The following BRWD1 variants were observed in gnomAD, a reference collection of about 807,000 sequenced individuals.
BRWD1 encodes the protein bromodomain and WD repeat domain containing 1.
A neutral mutation model predicts 251.2 loss-of-function variants in BRWD1; 82 were observed. The observed-to-expected ratio is 0.33, with a 90% CI of 0.27 to 0.39. The LOEUF (loss-of-function observed/expected upper bound fraction) is 0.39, where lower values mean the gene tolerates loss of function less well. BRWD1 is among the 10% of genes least tolerant of loss of function. The probability of loss-of-function intolerance (pLI) is 1.00; values close to 1 mark genes in which losing one functional copy is unlikely to be tolerated. For synonymous variants in BRWD1, 918 were observed against 902.8 expected, an observed-to-expected ratio of 1.02 and a Z score of -0.30; for missense variants, 2,233 against 2,711.6, an observed-to-expected ratio of 0.82 and a Z score of 3.92.
At chr21:39,312,392 C>T (rs1429567264) in intron 4 of BRWD1, among the ~76,000 whole-genome samples, 1 of 152,250 alleles carries the variant, frequency 6.6e-6, no homozygotes, top group African/African-American at 2.4e-5. Flanking sequence ...AACATTTCTC[C>T]ACCTTCAGAG....
At position 39,302,181 on chromosome 21, in the gene BRWD1, AC is replaced by A. The variant is rs374292561; in HGVS notation, c.199-3600del. Among the ~76,000 whole-genome samples, 912 of 151,544 alleles carry A rather than the reference AC, an allele frequency of 6.0e-3. 7 individuals carry two copies. Among genetic ancestry groups the A allele is most frequent in the African/African-American group, 0.021 (857 of 41,366 alleles). ...GTATTTTTAGTAGAGAAGGGGTTTC[AC>A]CATGTTGGCCAGGCTGGTCTCGAAC... On this transcript the variant is annotated intron_variant, in intron 4 of 40. Transcript: ENST00000342449.
In BRWD1 at chr21:39,188,837, A is replaced by G; in HGVS notation, c.*7422T>C. On this transcript the variant is annotated 3_prime_UTR_variant, in exon 41 of 41. Coordinates refer to ENST00000342449, the MANE Select transcript of BRWD1 (RefSeq NM_033656.4). ...ACTTATGTGATTCACATGTTTTTCC[A>G]GTGAAATTCTAAGGGCACTATGTTT... The G allele has an allele frequency of 3.0e-6, 3 of 985,446 alleles. No individual in the cohort carries two copies. The highest frequency in any genetic ancestry group is 3.6e-6 in the Non-Finnish European group (3 of 829,928). 61.0% of individuals were successfully genotyped at this position (985,446 alleles called of 1,614,324 possible).
intron 18 of BRWD1, among the ~76,000 whole-genome samples, chr21:39,257,373 T>C (rs1490497531): frequency 6.6e-6 from 1 of 152,182 alleles, no homozygotes; most frequent in Non-Finnish European, 1.5e-5. Flanking sequence ...CCTGTCTAAA[T>C]GCTTAACCTG....
At chr21:39,233,465 G>C (rs1313923738) in intron 23 of BRWD1, among the ~76,000 whole-genome samples, 1 of 151,480 alleles carries the variant, frequency 6.6e-6, no homozygotes, top group Non-Finnish European at 1.5e-5. Flanking sequence ...CAAATAAATA[G>C]GGATGTTATT....
At chr21:39,266,340 T>C (rs767998388) in intron 15 of BRWD1, among the ~76,000 whole-genome samples, 3 of 152,212 alleles carry the variant, frequency 2.0e-5, no homozygotes, top group Non-Finnish European at 4.4e-5. Flanking sequence ...CAACTGATCA[T>C]TAAAACATAA....
At chr21:39,247,289 T>G (rs1281945830) in intron 21 of BRWD1, among the ~76,000 whole-genome samples, 3 of 152,218 alleles carry the variant, frequency 2.0e-5, no homozygotes, top group Non-Finnish European at 4.4e-5. Flanking sequence ...ACAGGTTATA[T>G]ACCCCTTATC....
intron 19 of BRWD1, among the ~76,000 whole-genome samples, chr21:39,253,783 A>AATAGGTG (rs1480831638): frequency 1.6e-4 from 24 of 152,354 alleles, no homozygotes; most frequent in Middle Eastern, 3.4e-3. Flanking sequence ...TTAAGTTATT[A>AATAGGTG]TGACATACAA....
chr21:39,268,720 C>T (rs533927964), intron 15 of BRWD1, among the ~76,000 whole-genome samples: 1 of 152,262 alleles, frequency 6.6e-6, no homozygotes, highest in African/African-American at 2.4e-5. Flanking sequence ...GGCACAGTGG[C>T]TCACGCCTGT....
intron 21 of BRWD1, among the ~76,000 whole-genome samples, chr21:39,241,080 T>G (rs372500146): frequency 0.015 from 2,317 of 151,942 alleles, 59 homozygotes; most frequent in African/African-American, 0.053. Context: ...TTTTTTTTTT[T>G]TTGTATTTTT....
In BRWD1 at chr21:39,232,376, A is replaced by G; in HGVS notation, c.2889T>C (p.Asp963=). Residue 963 remains aspartate (D), a synonymous_variant, in exon 24 of 41, where the codon GAT becomes GAC. Coordinates refer to ENST00000342449, the MANE Select transcript of BRWD1 (RefSeq NM_033656.4). ...TTTAAATTTGTATTACTCTCACCTC[A>G]TCACCCATTTGAGGAACAAAAGGAG... is the stretch of plus-strand genomic sequence containing the variant. ...RKSPFVPQMG[D]EVIYFRQGHE... is the part of the protein sequence containing the mutation. 6.3e-7 allele frequency: 1 copy of G among 1,594,022 alleles called. No homozygotes were observed. Among genetic ancestry groups the G allele is most frequent in the South Asian group, 1.2e-5 (1 of 86,598 alleles).
intron 8 of BRWD1, among the ~76,000 whole-genome samples, chr21:39,288,005 AG>A (rs1195538479): frequency 6.6e-6 from 1 of 152,234 alleles, no homozygotes; most frequent in Admixed American, 6.5e-5. Context: ...CAGCTTAGCT[AG>A]ATAGGTCTGG....
chr21:39,209,936 T>C, intron 36 of BRWD1, 59 bp downstream of exon 36: 3 of 1,519,474 alleles, frequency 2.0e-6, no homozygotes, highest in East Asian at 2.3e-5. Context: ...TACTATTACA[T>C]TGGAAAATTA....
intron 17 of BRWD1, among the ~76,000 whole-genome samples, chr21:39,263,620 G>A (rs1366563471): frequency 1.3e-5 from 2 of 152,062 alleles, no homozygotes; most frequent in African/African-American, 4.8e-5. Flanking sequence ...CGCAATGAGG[G>A]AGCAATGATA....
At chr21:39,299,684 A>C (rs894181905) in intron 4 of BRWD1, among the ~76,000 whole-genome samples, 9 of 152,090 alleles carry the variant, frequency 5.9e-5, no homozygotes, top group African/African-American at 2.2e-4. Context: ...GGAACAGAAA[A>C]GGGACTCAGG....
At chr21:39,210,648 T>A (rs1413585838) in intron 35 of BRWD1, 138 bp downstream of exon 35, 1 of 948,110 alleles carries the variant, frequency 1.1e-6, no homozygotes, top group East Asian at 2.7e-5. Flanking sequence ...ACAATACTTC[T>A]ACCACTAACT....
intron 12 of BRWD1, among the ~76,000 whole-genome samples, chr21:39,275,738 A>T (rs775471635): frequency 1.8e-4 from 28 of 152,216 alleles, no homozygotes; most frequent in Non-Finnish European, 3.2e-4. Context: ...GTCAACTAAA[A>T]ATAAAAAATA....
At chr21:39,283,545 A>G (rs1251422887) in intron 8 of BRWD1, among the ~76,000 whole-genome samples, 2 of 152,206 alleles carry the variant, frequency 1.3e-5, no homozygotes, top group Non-Finnish European at 2.9e-5. Context: ...CTGGTGTACA[A>G]TAAAGTTCTG....
chr21:39,267,769 T>C (rs953194332), intron 15 of BRWD1, among the ~76,000 whole-genome samples: 1 of 152,210 alleles, frequency 6.6e-6, no homozygotes, highest in Non-Finnish European at 1.5e-5. Context: ...ATTCAAAGTG[T>C]TATTGTCATA....
intron 15 of BRWD1, 117 bp from the exon 16 acceptor site, chr21:39,265,136 A>AAG: frequency 8.2e-6 from 9 of 1,096,626 alleles, no homozygotes; most frequent in Non-Finnish European, 1.0e-5. Context: ...AAAAAAAAAA[A>AAG]GTTTCAGCCA....
Sources: gnomAD v4.1 joint callset for allele counts (sites outside exome capture counted in the v4.1 genomes callset) on GRCh38, gnomAD v4.1.1 for gene constraint, MANE v1.5 for transcripts, NCBI Gene and HGNC (gene_info 2026-07-23, HGNC 2026-07-21) for gene names.